The following CHD1L variants were observed in gnomAD, a reference collection of about 807,000 sequenced individuals.
CHD1L encodes chromodomain helicase DNA binding protein 1 like, also known as ATP-dependent chromatin remodeler CHD1L.
Under a neutral mutation model 115.9 loss-of-function variants are expected in CHD1L, and 118 were observed. The observed-to-expected ratio is 1.02, with a 90% confidence interval of 0.88 to 1.19. The LOEUF (loss-of-function observed/expected upper bound fraction) is 1.19, where lower values mean the gene tolerates loss of function less well. CHD1L is among the 50% of genes most tolerant of loss of function. The probability of loss-of-function intolerance (pLI) is 0.00; values close to 1 mark genes in which losing one functional copy is unlikely to be tolerated. For synonymous variants in CHD1L, 411 were observed against 387.1 expected (o/e 1.06, Z -0.72); for missense variants, 1,179 against 1,065.3 (o/e 1.11, Z -1.49).
chr1:147,190,276 T>G, the CHD1L span: 2 of 1,366,834 alleles, frequency 1.5e-6, no homozygotes, highest in Non-Finnish European at 2.1e-6. Flanking sequence ...ACATTTTAAC[T>G]GTAAAATTAC....
chr1:147,214,277 C>G, the CHD1L span, among the ~76,000 whole-genome samples: 2 of 151,964 alleles, frequency 1.3e-5, no homozygotes, highest in African/African-American at 2.4e-5. Context: ...CATGGCGAAA[C>G]CCCGTCTCTA....
chr1:147,257,720 A>G (rs1382192843), intron 5 of CHD1L, among the ~76,000 whole-genome samples: 1 of 152,200 alleles, frequency 6.6e-6, no homozygotes, highest in Non-Finnish European at 1.5e-5. Flanking sequence ...CGAGGCAGCT[A>G]TTATTCATTT....
chr1:147,183,306 T>C, the CHD1L span, among the ~76,000 whole-genome samples: 5,609 of 152,320 alleles, frequency 0.037, 147 homozygotes, highest in South Asian at 0.095. Context: ...TAATCTCCTT[T>C]GTCACTTTTT....
chr1:147,247,715 T>C (rs781979828), intron 1 of CHD1L, among the ~76,000 whole-genome samples: 3 of 152,212 alleles, frequency 2.0e-5, no homozygotes, highest in Non-Finnish European at 4.4e-5. Flanking sequence ...ACAATGTGTA[T>C]TCTCCTGTCT....
At chr1:147,281,529 C>T (rs1482834221) in intron 15 of CHD1L, among the ~76,000 whole-genome samples, 3 of 152,114 alleles carry the variant, frequency 2.0e-5, no homozygotes, top group African/African-American at 7.2e-5. Flanking sequence ...GGGCAGCTGG[C>T]ATTGTTTTAC....
chr1:147,276,346 T>C, intron 14 of CHD1L, 89 bp downstream of exon 14: 2 of 674,436 alleles, frequency 3.0e-6, no homozygotes, highest in South Asian at 2.0e-5. Flanking sequence ...GCACTCACCC[T>C]CTCCCCAGCT....
intron 10 of CHD1L, among the ~76,000 whole-genome samples, chr1:147,269,480 C>A (rs1418313620): frequency 6.6e-6 from 1 of 151,822 alleles, no homozygotes; most frequent in Non-Finnish European, 1.5e-5. Flanking sequence ...ACCATCTTGG[C>A]CAACATGGTG....
At position 147,275,455 on chromosome 1, in the gene CHD1L, A is replaced by G. The variant is rs782164119; in HGVS notation, c.1372A>G (p.Ile458Val). The stretch of plus-strand genomic sequence containing the variant: ...GCAAGCAGCTGCCAGGGCTCATCGC[A>G]TTGGCCAAAACAAGTAAGTGATTTT... ...DLQAAARAHR[I>V]GQNKSVKVIR... Residue 458 changes from isoleucine to valine, a missense_variant, in exon 13 of 23, where the codon ATT (isoleucine) becomes GTT (valine). Transcript: ENST00000369258. 2 of 1,613,714 alleles carry G rather than the reference A, an allele frequency of 1.2e-6. No individual in the cohort carries two copies. Among genetic ancestry groups the G allele is most frequent in the Non-Finnish European group, 8.5e-7 (1 of 1,179,588 alleles).
chr1:147,252,741 T>C lies in CHD1L; in HGVS notation c.240+6T>C. On this transcript the variant is annotated splice_donor_region_variant and intron_variant, in intron 2 of 22. Transcript: ENST00000369258. ...GCCTGGGGAAGACCTGCCAGGTGTGTTACTATGCGACGAGTACTGCTCACC... is the reference window on the plus strand; with the variant it reads ...GCCTGGGGAAGACCTGCCAGGTGTGCTACTATGCGACGAGTACTGCTCACC... The C allele has an allele frequency of 6.2e-7, 1 of 1,605,288 alleles. No homozygotes were observed. The highest frequency in any genetic ancestry group is 8.5e-7 in the Non-Finnish European group (1 of 1,172,308).
intron 14 of CHD1L, 85 bp downstream of exon 14, chr1:147,276,342 ACC>A: frequency 1.0e-6 from 1 of 970,444 alleles, no homozygotes; most frequent in Admixed American, 3.0e-5. Context: ...ACCAGCACTC[ACC>A]CTCTCCCCAG....
Position 147,275,472 on chromosome 1 carries a change from A to C in CHD1L, c.1385+4A>C. The C allele has an allele frequency of 6.2e-7, 1 of 1,611,736 alleles. No homozygotes were observed. The highest frequency in any genetic ancestry group is 1.1e-5 in the South Asian group (1 of 91,050). Reference sequence around the variant, plus strand: ...CTCATCGCATTGGCCAAAACAAGTAAGTGATTTTTTTCTGCTTCCTTGGCT... The same window carrying C: ...CTCATCGCATTGGCCAAAACAAGTACGTGATTTTTTTCTGCTTCCTTGGCT... On this transcript the variant is annotated splice_donor_region_variant and intron_variant, in intron 13 of 22. Transcript: ENST00000369258.
chr1:147,256,069 G>A, intron 4 of CHD1L, 142 bp downstream of exon 4: 1 of 519,458 alleles, frequency 1.9e-6, no homozygotes, highest in Non-Finnish European at 3.4e-6. Context: ...TCTCAAAAGA[G>A]GGCTGTAACC....
intron 11 of CHD1L, chr1:147,271,257 G>T (rs3737855): frequency 0.012 from 4,086 of 350,776 alleles, 37 homozygotes; most frequent in Non-Finnish European, 0.016. Context: ...ATTATGGGCC[G>T]TGGAGCAAAT....
chr1:147,184,458 G>A, the CHD1L span: 8 of 1,390,158 alleles, frequency 5.8e-6, no homozygotes, highest in Non-Finnish European at 7.5e-6. This position sits in a 1 kb window ranked among gnomAD's most constrained non-coding sequence, Gnocchi z 4.4. Context: ...TCTGTTGCAG[G>A]AGTCCATCCA....
chr1:147,224,138 A>C, the CHD1L span: 1 of 316,120 alleles, frequency 3.2e-6, no homozygotes, highest in Non-Finnish European at 6.3e-6. Context: ...TCTAGTCCAC[A>C]GGAAGACCTG....
rs782039274 is a variant in CHD1L, at chr1:147,286,507, GA to G, written c.2221+9del. On this transcript the variant is annotated splice_region_variant and intron_variant, in intron 18 of 22. Coordinates refer to ENST00000369258, the MANE Select transcript of CHD1L (RefSeq NM_004284.6). ...CTCATTGTGCACTGCGTAGGTACGA[GA>G]AGTGGTATGGGCTGGGGATGGGGGC... The G allele has an allele frequency of 1.9e-6, 3 of 1,612,720 alleles. No homozygotes were observed. Among genetic ancestry groups the G allele is most frequent in the Non-Finnish European group, 2.5e-6 (3 of 1,179,810 alleles).
At chr1:147,248,936 C>A (rs1169110511) in intron 1 of CHD1L, among the ~76,000 whole-genome samples, 1 of 152,152 alleles carries the variant, frequency 6.6e-6, no homozygotes, top group East Asian at 1.9e-4. Flanking sequence ...ACATCAGACA[C>A]TGTTATAATC....
At chr1:147,284,619 G>A (rs1412922980) in intron 16 of CHD1L, 120 bp downstream of exon 16, 10 of 897,122 alleles carry the variant, frequency 1.1e-5, no homozygotes, top group African/African-American at 5.2e-5. Context: ...ATAAGTATGT[G>A]TTTGCTGAAA....
At chr1:147,270,491 G>C (rs1675731047) in intron 10 of CHD1L, among the ~76,000 whole-genome samples, 1 of 148,676 alleles carries the variant, frequency 6.7e-6, no homozygotes, top group Admixed American at 6.8e-5. Flanking sequence ...CTGACCACAG[G>C]CTTTCTTCAG....
Sources: gnomAD v4.1 joint callset for allele counts (sites outside exome capture counted in the v4.1 genomes callset) on GRCh38, gnomAD v4.1.1 for gene constraint, Gnocchi (gnomAD v3.1) non-coding constraint, MANE v1.5 for transcripts, NCBI Gene and HGNC (gene_info 2026-07-23, HGNC 2026-07-21) for gene names.